Variants in SCARB1 observed in about 807,000 individuals in gnomAD.
SCARB1 encodes scavenger receptor class B member 1, also known as CD36 and LIMPII analogous 1.
Under a neutral mutation model 57.2 loss-of-function variants are expected in SCARB1, and 30 were observed. The ratio of observed to expected loss-of-function variants is 0.52; its 90% confidence interval spans 0.39 to 0.71. The LOEUF (loss-of-function observed/expected upper bound fraction) is 0.71, where lower values mean the gene tolerates loss of function less well. SCARB1 is among the 30% of genes least tolerant of loss of function. The pLI is 0.00. For missense variants in SCARB1, 543 were observed against 671.2 expected (o/e 0.81, Z 2.11); for synonymous variants, 249 against 268.3 (o/e 0.93, Z 0.70).
At position 124,796,781 on chromosome 12, in the gene SCARB1, C is replaced by T. The variant is rs997704030; in HGVS notation, c.1129-1513G>A. ...TTAAAGGCCTCACTTACGCCCACGA[C>T]TGGGGAGTGCTTGCCCTCGAGAGCC... On this transcript the variant is annotated intron_variant, in intron 8 of 12. Transcript: ENST00000261693. This position sits in a 1 kb window ranked among gnomAD's most constrained non-coding sequence, Gnocchi z 4.0. Among the ~76,000 whole-genome samples the T allele has an allele frequency of 2.0e-5, 3 of 152,200 alleles. No homozygotes were observed. The highest frequency in any genetic ancestry group is 6.5e-5 in the Admixed American group (1 of 15,282).
In SCARB1 at chr12:124,786,511, G is replaced by A; in HGVS notation, c.1255-8C>T. 1 of 1,613,918 alleles carries A rather than the reference G, an allele frequency of 6.2e-7. No individual in the cohort carries two copies. Among genetic ancestry groups the A allele is most frequent in the Non-Finnish European group, 8.5e-7 (1 of 1,180,038 alleles). On this transcript the variant is annotated splice_polypyrimidine_tract_variant and splice_region_variant and intron_variant, in intron 10 of 12. Coordinates refer to ENST00000261693, the MANE Select transcript of SCARB1 (RefSeq NM_005505.5). ...CCCCTCCATGGCCCCGCTCTGAGGA[G>A]ACAGAATGACAAACACATGAGCTGG... is the stretch of plus-strand genomic sequence containing the variant.
At chr12:124,793,692 C>CA (rs71092224) in intron 9 of SCARB1, among the ~76,000 whole-genome samples, 4,022 of 49,678 alleles carry the variant, frequency 0.081, 160 homozygotes, top group East Asian at 0.17. Context: ...GACTCCGTCT[C>CA]AAAAAAAAAA....
chr12:124,857,532 C>G (rs1045701907), intron 1 of SCARB1, among the ~76,000 whole-genome samples: 1 of 151,990 alleles, frequency 6.6e-6, no homozygotes, highest in East Asian at 1.9e-4. Flanking sequence ...GGCTGGGGGT[C>G]GCGCCCGCCT....
rs1162624621 is a variant in SCARB1, at chr12:124,807,736, T to A, written c.1009+25A>T. On this transcript the variant is annotated intron_variant, in intron 7 of 12. Transcript: ENST00000261693. This position sits in a 1 kb window ranked among gnomAD's most constrained non-coding sequence, Gnocchi z 5.3. ...GCCCCACCCTCACACCCTCCCGCCA[T>A]CCCAGCACAGGGGACGGCACGTACT... The A allele has an allele frequency of 1.9e-6, 3 of 1,613,256 alleles. No individual in the cohort carries two copies. In the Admixed American group the frequency reaches 5.0e-5, roughly 27 times the overall value.
intron 12 of SCARB1, among the ~76,000 whole-genome samples, chr12:124,781,099 T>C (rs989935374): frequency 3.9e-5 from 6 of 152,128 alleles, no homozygotes; most frequent in African/African-American, 1.4e-4. Flanking sequence ...CACCCCAACA[T>C]GGTCAGACTC....
chr12:124,828,718 C>G (rs1951266896), intron 1 of SCARB1, among the ~76,000 whole-genome samples: 1 of 152,238 alleles, frequency 6.6e-6, no homozygotes. Flanking sequence ...CGCTTCTCTC[C>G]TAGGCCATCC....
chr12:124,843,612 A>T (rs914004949), intron 1 of SCARB1, among the ~76,000 whole-genome samples: 2 of 152,160 alleles, frequency 1.3e-5, no homozygotes, highest in Non-Finnish European at 2.9e-5. Context: ...GCCCACCTAG[A>T]ACCTCAGAAT....
At chr12:124,845,442 C>T (rs898360080) in intron 1 of SCARB1, among the ~76,000 whole-genome samples, 4 of 150,998 alleles carry the variant, frequency 2.6e-5, no homozygotes, top group Non-Finnish European at 4.4e-5. Flanking sequence ...GGCCTGTAAT[C>T]CCAACACTTT....
chr12:124,810,157 C>T lies in SCARB1; in HGVS notation c.842+17G>A, dbSNP rs376944735. On this transcript the variant is annotated intron_variant, in intron 6 of 12. Transcript: ENST00000261693. This position sits in a 1 kb window ranked among gnomAD's most constrained non-coding sequence, Gnocchi z 4.0. ...GCTACCCAGGAAACCCAGGAGGCCCCGAGTCCCAGTGATTACCGGCAGGCC... is the reference window on the plus strand; with the variant it reads ...GCTACCCAGGAAACCCAGGAGGCCCTGAGTCCCAGTGATTACCGGCAGGCC... 5.1e-6 allele frequency: 8 copies of T among 1,567,230 alleles called. No individual in the cohort carries two copies. Among genetic ancestry groups the T allele is most frequent in the African/African-American group, 1.3e-5 (1 of 74,124 alleles).
At chr12:124,808,378 T>C (rs912450803) in intron 6 of SCARB1, among the ~76,000 whole-genome samples, 9 of 152,206 alleles carry the variant, frequency 5.9e-5, no homozygotes, top group African/African-American at 2.2e-4. Context: ...CCCTTTCTAG[T>C]CTAACCTACC....
intron 1 of SCARB1, among the ~76,000 whole-genome samples, chr12:124,842,530 G>C (rs1268185744): frequency 6.6e-6 from 1 of 152,224 alleles, no homozygotes; most frequent in East Asian, 1.9e-4. Context: ...CAAGGACACA[G>C]ATGCCCAGGC....
At chr12:124,863,033 T>A (rs764573397) in intron 1 of SCARB1, among the ~76,000 whole-genome samples, 5 of 152,230 alleles carry the variant, frequency 3.3e-5, no homozygotes, top group Non-Finnish European at 5.9e-5. Flanking sequence ...ATTCTGCCTC[T>A]GGGAGAGGGT....
intron 1 of SCARB1, among the ~76,000 whole-genome samples, chr12:124,827,295 T>G (rs984953993): frequency 1.3e-5 from 2 of 152,164 alleles, no homozygotes; most frequent in African/African-American, 2.4e-5. Context: ...ATCGAGTAAG[T>G]GTGAGGAACG....
At chr12:124,840,240 C>A (rs1951857599) in intron 1 of SCARB1, among the ~76,000 whole-genome samples, 1 of 151,452 alleles carries the variant, frequency 6.6e-6, no homozygotes, top group Admixed American at 6.6e-5. Context: ...GGAGTACAGT[C>A]TTGGCTCACT....
At position 124,807,495 on chromosome 12, in the gene SCARB1, G is replaced by A. The variant is rs1370258827; in HGVS notation, c.1009+266C>T. ...TTGTTCTGAGCGCGGTGAGACCCAC[G>A]CAGACTTCTGACTACAGAACTGCAA... On this transcript the variant is annotated intron_variant, in intron 7 of 12. Transcript: ENST00000261693. The surrounding 1 kb of genome is among the most constrained non-coding windows in gnomAD (Gnocchi z 5.3). 6.6e-6 allele frequency among the ~76,000 whole-genome samples: 1 copy of A among 152,212 alleles called. No homozygotes were observed. The highest frequency in any genetic ancestry group is 2.4e-5 in the African/African-American group (1 of 41,456).
Position 124,822,054 on chromosome 12 carries a change from A to G in SCARB1, c.127-4347T>C, listed in dbSNP as rs746435397. ...CACTCCCTCCCATCTGGCGAAATAG[A>G]CCCTTTGAGCCCAGGAAGGCTGCCT... is the stretch of plus-strand genomic sequence containing the variant. On this transcript the variant is annotated intron_variant, in intron 1 of 12. Coordinates refer to ENST00000261693, the MANE Select transcript of SCARB1 (RefSeq NM_005505.5). This position sits in a 1 kb window ranked among gnomAD's most constrained non-coding sequence, Gnocchi z 5.0. 2.0e-5 allele frequency among the ~76,000 whole-genome samples: 3 copies of G among 151,936 alleles called. No individual in the cohort carries two copies. The highest frequency in any genetic ancestry group is 2.9e-5 in the Non-Finnish European group (2 of 67,960).
chr12:124,843,021 GA>G (rs1951968522), intron 1 of SCARB1, among the ~76,000 whole-genome samples: 1 of 152,218 alleles, frequency 6.6e-6, no homozygotes, highest in Non-Finnish European at 1.5e-5. Flanking sequence ...GAAAAACAAG[GA>G]ACTATTAACC....
At chr12:124,803,417 A>G (rs543272834) in intron 7 of SCARB1, among the ~76,000 whole-genome samples, 84 of 152,212 alleles carry the variant, frequency 5.5e-4, no homozygotes, top group African/African-American at 2.0e-3. Flanking sequence ...AAAAAAATTT[A>G]AGAATTAGCT....
At chr12:124,781,607 C>A (rs1196907516) in intron 12 of SCARB1, among the ~76,000 whole-genome samples, 1 of 152,204 alleles carries the variant, frequency 6.6e-6, no homozygotes, top group East Asian at 1.9e-4. Context: ...GCAGATAGGG[C>A]GGCCACATAA....
Sources: gnomAD v4.1 joint callset for allele counts (sites outside exome capture counted in the v4.1 genomes callset) on GRCh38, gnomAD v4.1.1 for gene constraint, Gnocchi (gnomAD v3.1) non-coding constraint, MANE v1.5 for transcripts, NCBI Gene and HGNC (gene_info 2026-07-23, HGNC 2026-07-21) for gene names.